The following NHS variants were observed in gnomAD, a reference collection of about 807,000 sequenced individuals.
The protein encoded by NHS is NHS actin remodeling regulator.
Under a neutral mutation model 72.5 loss-of-function variants are expected in NHS, and 5 were observed. The ratio of observed to expected loss-of-function variants is 0.07; its 90% CI spans 0.04 to 0.14. The LOEUF (loss-of-function observed/expected upper bound fraction) is 0.14. Ranked by LOEUF, NHS falls within the 10% of genes least tolerant of loss-of-function variation. The pLI, the probability that NHS is intolerant of heterozygous loss-of-function variation, is 1.00. For missense variants in NHS, 1,072 were observed against 1,355.7 expected (o/e 0.79, Z 3.29); for synonymous variants, 464 against 547.7 (o/e 0.85, Z 2.13).
intron 1 of NHS, among the ~76,000 whole-genome samples, chrX:17,553,094 A>T (rs779562180): frequency 8.9e-6 from 1 of 112,719 alleles, no homozygotes; most frequent in East Asian, 2.8e-4. Context: ...TATCACTCTT[A>T]TCTGTGGGGG....
chrX:17,393,667 G>A (rs1365551623), intron 1 of NHS, among the ~76,000 whole-genome samples: 1 of 111,946 alleles, frequency 8.9e-6, no homozygotes, highest in African/African-American at 3.3e-5. Context: ...TAGCCTTAGA[G>A]TTATCGGGAG....
intron 1 of NHS, among the ~76,000 whole-genome samples, chrX:17,634,581 T>C (rs1043585414): frequency 4.5e-5 from 5 of 111,642 alleles, no homozygotes; most frequent in African/African-American, 1.6e-4. Context: ...AAACTCTCCC[T>C]TTCTTGCCAA....
intron 1 of NHS, among the ~76,000 whole-genome samples, chrX:17,503,719 T>C (rs779218722): frequency 6.2e-5 from 7 of 112,120 alleles, no homozygotes; most frequent in Non-Finnish European, 1.3e-4. Flanking sequence ...CCAGGACTAA[T>C]ATCATGGGGG....
intron 1 of NHS, among the ~76,000 whole-genome samples, chrX:17,446,794 A>G (rs2064783318): frequency 8.9e-6 from 1 of 112,177 alleles, no homozygotes; most frequent in Non-Finnish European, 1.9e-5. Context: ...AGTGGCTTAT[A>G]GTCTACATAT....
intron 3 of NHS, among the ~76,000 whole-genome samples, chrX:17,703,725 G>A (rs2066279684): frequency 8.9e-6 from 1 of 112,391 alleles, no homozygotes; most frequent in African/African-American, 3.2e-5. Context: ...AGATACTGAG[G>A]ACAATCTTTA....
At chrX:17,396,012 T>C (rs1025969873) in intron 1 of NHS, among the ~76,000 whole-genome samples, 4 of 112,220 alleles carry the variant, frequency 3.6e-5, no homozygotes, top group Admixed American at 1.9e-4. Context: ...AAAATGATTA[T>C]ACAAATGGAT....
At chrX:17,466,498 A>G (rs1047375621) in intron 1 of NHS, among the ~76,000 whole-genome samples, 1 of 112,357 alleles carries the variant, frequency 8.9e-6, no homozygotes, top group Admixed American at 9.4e-5. Context: ...GAAGTTGGCC[A>G]GAGTTGGGCT....
At position 17,375,857 on chromosome X, in the gene NHS, C is replaced by A. The variant is rs954088519; in HGVS notation, c.100C>A (p.Pro34Thr). Residue 34 changes from proline to threonine, a missense_variant, in exon 1 of 9, where the codon CCG becomes ACG. Transcript: ENST00000676302. The part of the protein sequence containing the change: ...AVDASGGSAE[P>T]PPPLQPPGRR... ...GGACGCGAGCGGAGGCAGCGCTGAG[C>A]CGCCGCCGCCCTTGCAGCCGCCGGG... 52 of 1,117,409 alleles carry A rather than the reference C, an allele frequency of 4.7e-5. No homozygotes were observed. In the Admixed American group the frequency reaches 6.0e-4, roughly 13 times the overall value. The allele number at this position is 1,117,409 out of a possible 1,213,427, so 92.1% of individuals were successfully genotyped here.
chrX:17,453,715 G>T (rs2064815137), intron 1 of NHS, among the ~76,000 whole-genome samples: 1 of 112,054 alleles, frequency 8.9e-6, no homozygotes, highest in Non-Finnish European at 1.9e-5. Flanking sequence ...TTCCAAAGGG[G>T]CCAACACACA....
chrX:17,504,413 A>G (rs891069369), intron 1 of NHS, among the ~76,000 whole-genome samples: 1 of 112,179 alleles, frequency 8.9e-6, no homozygotes, highest in Non-Finnish European at 1.9e-5. Flanking sequence ...TATGGTGAAA[A>G]TATTCACTTA....
intron 5 of NHS, among the ~76,000 whole-genome samples, chrX:17,723,770 T>TGTGTGTGTGTGTGCGTGTGCGC (rs541219770): frequency 1.1e-5 from 1 of 91,337 alleles, no homozygotes; most frequent in Admixed American, 1.1e-4. Flanking sequence ...TGTGTGTGTG[T>TGTGTGTGTGTGTGCGTGTGCGC]GCGCGCGCGT....
At chrX:17,539,882 T>C (rs1011244795) in intron 1 of NHS, among the ~76,000 whole-genome samples, 1 of 112,160 alleles carries the variant, frequency 8.9e-6, no homozygotes, top group African/African-American at 3.2e-5. Flanking sequence ...TTCTGTTTGC[T>C]CTTGTCACCT....
At chrX:17,536,058 TA>T (rs2065221433) in intron 1 of NHS, among the ~76,000 whole-genome samples, 2 of 111,897 alleles carry the variant, frequency 1.8e-5, no homozygotes, top group African/African-American at 6.5e-5. Context: ...TGATGAACTT[TA>T]AAAACTTGCA....
rs878894479 is a variant in NHS at position 17,509,374 on chromosome X, C to T, written c.565+133052C>T. Reference sequence around the variant, plus strand: ...CCAGAGTAGCTGGGACTACAGGCACCCGCCATGATGCCCAGCTATTTTTTG... The same window carrying T: ...CCAGAGTAGCTGGGACTACAGGCACTCGCCATGATGCCCAGCTATTTTTTG... On this transcript the variant is annotated intron_variant, in intron 1 of 8. Coordinates refer to ENST00000676302, the MANE Select transcript of NHS (RefSeq NM_001291867.2). Among the ~76,000 whole-genome samples, 5 of 110,184 alleles carry T rather than the reference C, an allele frequency of 4.5e-5. No homozygotes were observed. In the Admixed American group the frequency reaches 4.8e-4, roughly 11 times the overall value.
chrX:17,523,550 A>T (rs752442493), intron 1 of NHS, among the ~76,000 whole-genome samples: 2 of 112,097 alleles, frequency 1.8e-5, no homozygotes, highest in East Asian at 2.8e-4. Context: ...AAGGCTCCTG[A>T]CAGTCCAGAG....
At chrX:17,446,656 CAAAAA>C (rs565284624) in intron 1 of NHS, among the ~76,000 whole-genome samples, 17 of 90,496 alleles carry the variant, frequency 1.9e-4, no homozygotes, top group African/African-American at 5.9e-4. Context: ...CCTTTTTGCC[CAAAAA>C]AAAAAAAAAA....
chrX:17,495,537 C>T (rs2065008841), intron 1 of NHS, among the ~76,000 whole-genome samples: 1 of 111,476 alleles, frequency 9.0e-6, no homozygotes, highest in Non-Finnish European at 1.9e-5. Context: ...AGGTAGACAC[C>T]ATTATCTCTA....
chrX:17,485,764 G>A (rs779551593), intron 1 of NHS, among the ~76,000 whole-genome samples: 1 of 111,346 alleles, frequency 9.0e-6, no homozygotes, highest in South Asian at 3.8e-4. Flanking sequence ...CTGCCTTTCC[G>A]ATCGTAGGTT....
At chrX:17,594,408 G>A (rs2065616160) in intron 1 of NHS, among the ~76,000 whole-genome samples, 1 of 111,598 alleles carries the variant, frequency 9.0e-6, no homozygotes, top group Admixed American at 9.5e-5. Context: ...GGCAGGTGAG[G>A]GAGGGCATGG....
Sources: allele counts gnomAD v4.1 joint callset (sites outside exome capture counted in the v4.1 genomes callset), GRCh38; gene constraint gnomAD v4.1.1; transcripts MANE v1.5; gene names NCBI Gene and HGNC (gene_info 2026-07-23, HGNC 2026-07-21).